The following CBFA2T3 variants were observed in gnomAD, a reference collection of about 807,000 sequenced individuals.
CBFA2T3 encodes the protein transcriptional corepressor CBFA2T3.
A neutral mutation model predicts 58.6 loss-of-function variants in CBFA2T3; 31 were observed. That is an observed-to-expected ratio of 0.53 (90% CI 0.40 to 0.71). CBFA2T3 has a LOEUF of 0.71. CBFA2T3 is among the 30% of genes least tolerant of loss of function. The probability of loss-of-function intolerance (pLI) is 0.00; values close to 1 mark genes in which losing one functional copy is unlikely to be tolerated. For missense variants in CBFA2T3, 1,076 were observed against 963.1 expected (o/e 1.12, Z -1.55); for synonymous variants, 531 against 421.9 (o/e 1.26, Z -3.17).
In CBFA2T3 at chr16:88,875,200, C is replaced by T. The variant is rs149839258; in HGVS notation, c.*1776G>A. ...CACCACGCACACAGATGCCAAGCCA[C>T]GGGCCACGCCACACGCACAGATGCC... On this transcript the variant is annotated 3_prime_UTR_variant, in exon 12 of 12. Coordinates refer to ENST00000268679, the MANE Select transcript of CBFA2T3 (RefSeq NM_005187.6). 535 of 235,062 alleles carry T rather than the reference C, an allele frequency of 2.3e-3. 4 individuals carry two copies. The highest frequency in any genetic ancestry group is 0.011 in the African/African-American group (479 of 45,410). 14.6% of individuals were successfully genotyped at this position (235,062 alleles called of 1,614,324 possible).
At chr16:88,950,042 G>A (rs1248380456) in intron 1 of CBFA2T3, among the ~76,000 whole-genome samples, 1 of 151,932 alleles carries the variant, frequency 6.6e-6, no homozygotes, top group African/African-American at 2.4e-5. Flanking sequence ...GAAAACCCCC[G>A]CCACTCTCGA....
chr16:88,927,720 C>T (rs1453675065), intron 1 of CBFA2T3, among the ~76,000 whole-genome samples: 2 of 152,200 alleles, frequency 1.3e-5, no homozygotes, highest in East Asian at 1.9e-4. Context: ...GCCTCCTCCT[C>T]CCCAGGCCCC....
chr16:88,891,257 G>A (rs532047247), intron 5 of CBFA2T3, among the ~76,000 whole-genome samples: 52 of 152,194 alleles, frequency 3.4e-4, no homozygotes, highest in South Asian at 1.0e-3. Context: ...CACAGCGGGC[G>A]CCCCATACCT....
chr16:88,939,941 C>T (rs1437666616), intron 1 of CBFA2T3: 1 of 152,382 alleles, frequency 6.6e-6, no homozygotes, highest in Non-Finnish European at 1.5e-5. Flanking sequence ...AAACCGGCCC[C>T]CGCCCCTTAT....
Position 88,881,361 on chromosome 16 carries a change from T to A in CBFA2T3, c.1332A>T (p.Thr444=). The change falls in exon 9 of 12, where the codon ACA becomes ACT. Residue 444 remains threonine, a synonymous_variant. Coordinates refer to ENST00000268679, the MANE Select transcript of CBFA2T3 (RefSeq NM_005187.6). The part of the protein sequence containing the change: ...WARRYSDAED[T]KKGPAPAAAR... ...CCGCGGCGGGAGCGGGGCCCTTCTT[T>A]GTGTCCTCGGCGTCGCTGTAGCGCC... is the stretch of plus-strand genomic sequence containing the variant. 6.3e-7 allele frequency: 1 copy of A among 1,586,324 alleles called. No individual in the cohort carries two copies. The highest frequency in any genetic ancestry group is 8.6e-7 in the Non-Finnish European group (1 of 1,167,914).
intron 10 of CBFA2T3, among the ~76,000 whole-genome samples, chr16:88,880,237 TAACCCTAACCCC>T (rs999811486): frequency 6.8e-6 from 1 of 146,246 alleles, no homozygotes; most frequent in East Asian, 1.9e-4. Context: ...ACCCTAACCC[TAACCCTAACCCC>T]AACCCTAACC....
intron 1 of CBFA2T3, among the ~76,000 whole-genome samples, chr16:88,917,071 C>CAA (rs781169197): frequency 3.2e-4 from 26 of 81,144 alleles, no homozygotes; most frequent in African/African-American, 8.5e-4. Flanking sequence ...GACTCTGTCT[C>CAA]AAAAAAAAAA....
intron 1 of CBFA2T3, among the ~76,000 whole-genome samples, chr16:88,959,563 G>T (rs1295879296): frequency 6.6e-6 from 1 of 152,192 alleles, no homozygotes; most frequent in Non-Finnish European, 1.5e-5. Flanking sequence ...AGTAGAGAAT[G>T]TTCTAGAAAT....
chr16:88,907,537 T>G (rs183245702), intron 1 of CBFA2T3, among the ~76,000 whole-genome samples: 8,155 of 152,286 alleles, frequency 0.054, 356 homozygotes, highest in African/African-American at 0.12. Flanking sequence ...GGCCCTGAGA[T>G]CCTGCGCTTC....
chr16:88,910,187 G>C (rs1436113382), intron 1 of CBFA2T3, among the ~76,000 whole-genome samples: 1 of 152,214 alleles, frequency 6.6e-6, no homozygotes, highest in Non-Finnish European at 1.5e-5. Flanking sequence ...TGTTTCTGCA[G>C]GGAATGCACT....
chr16:88,944,336 C>CA (rs767482759), intron 1 of CBFA2T3, among the ~76,000 whole-genome samples: 1,923 of 38,414 alleles, frequency 0.05, 41 homozygotes, highest in African/African-American at 0.09. Flanking sequence ...GACTCCATCT[C>CA]AAAAAAAAAA....
Position 88,890,919 on chromosome 16 carries a change from G to A in CBFA2T3, c.711+963C>T, listed in dbSNP as rs1969605266. ...TGTAGAGATGGGGTCTAGCTGTGTT[G>A]CCCAGGCTGGTCTTGAACTCCTGGC... On this transcript the variant is annotated intron_variant, in intron 5 of 11. Coordinates refer to ENST00000268679, the MANE Select transcript of CBFA2T3 (RefSeq NM_005187.6). Among the ~76,000 whole-genome samples, 6 of 152,200 alleles carry A rather than the reference G, an allele frequency of 3.9e-5. No homozygotes were observed. In the South Asian group the frequency reaches 1.2e-3, roughly 32 times the overall value.
intron 1 of CBFA2T3, among the ~76,000 whole-genome samples, chr16:88,902,707 G>A (rs1464303497): frequency 1.3e-5 from 2 of 152,218 alleles, no homozygotes; most frequent in African/African-American, 2.4e-5. Context: ...CTTAAGGCAA[G>A]GTCAGCCAGT....
At chr16:88,884,617 C>G (rs1969282130) in intron 7 of CBFA2T3, 1 of 164,694 alleles carries the variant, frequency 6.1e-6, no homozygotes, top group Non-Finnish European at 1.3e-5. Flanking sequence ...CTCTCCTGCT[C>G]TAGATACCAG....
intron 1 of CBFA2T3, among the ~76,000 whole-genome samples, chr16:88,970,512 C>G (rs1339164435): frequency 6.6e-6 from 1 of 152,194 alleles, no homozygotes; most frequent in Non-Finnish European, 1.5e-5. Context: ...GTTTCCTGAC[C>G]TTTCTGATTT....
intron 1 of CBFA2T3, chr16:88,951,503 T>C (rs557307): frequency 0.019 from 6,819 of 366,868 alleles, 447 homozygotes; most frequent in African/African-American, 0.13. Flanking sequence ...TTTTTTAAAT[T>C]AAAAAATCAG....
At chr16:88,932,232 T>C (rs71372777) in intron 1 of CBFA2T3, among the ~76,000 whole-genome samples, 5,975 of 44,568 alleles carry the variant, frequency 0.13, 404 homozygotes, top group African/African-American at 0.31. Flanking sequence ...CCCCCTCACA[T>C]GGCCCCCGCT....
intron 11 of CBFA2T3, 57 bp downstream of exon 11, chr16:88,879,212 TG>T: frequency 6.9e-7 from 1 of 1,447,022 alleles, no homozygotes; most frequent in Non-Finnish European, 9.4e-7. Context: ...GGGGGTGGCG[TG>T]GGACCGCACG....
At chr16:88,941,035 G>C in intron 1 of CBFA2T3, 2 of 985,390 alleles carry the variant, frequency 2.0e-6, no homozygotes, top group Non-Finnish European at 2.4e-6. Flanking sequence ...GGGGGTCCGG[G>C]GGATCCGGCG....
Sources: allele counts gnomAD v4.1 joint callset (sites outside exome capture counted in the v4.1 genomes callset), GRCh38; gene constraint gnomAD v4.1.1; transcripts MANE v1.5; gene names NCBI Gene and HGNC (gene_info 2026-07-23, HGNC 2026-07-21).